The following EFCAB11 variants were observed in gnomAD, a reference collection of about 807,000 sequenced individuals.
The protein encoded by EFCAB11 is EF-hand calcium binding domain 11, also known as EF-hand calcium-binding domain-containing protein 11.
A neutral mutation model predicts 23.0 loss-of-function variants in EFCAB11; 14 were observed. The ratio of observed to expected loss-of-function variants is 0.61; its 90% CI spans 0.40 to 0.95. The LOEUF (loss-of-function observed/expected upper bound fraction) is 0.95, where lower values mean the gene tolerates loss of function less well. Among genes scored for constraint, EFCAB11 ranks in the 40% least tolerant of loss-of-function variants. EFCAB11 has a pLI of 0.00. For synonymous variants in EFCAB11, 65 were observed against 66.6 expected, an observed-to-expected ratio of 0.98 and a Z score of 0.11; for missense variants, 198 against 195.8, an observed-to-expected ratio of 1.01 and a Z score of -0.07.
intron 5 of EFCAB11, among the ~76,000 whole-genome samples, chr14:89,827,936 T>A (rs1287280423): frequency 1.3e-5 from 2 of 152,106 alleles, no homozygotes; most frequent in African/African-American, 4.8e-5. Context: ...CCTGGCCTTT[T>A]ATTCACTCTT....
At chr14:89,950,017 T>C in intron 3 of EFCAB11, 80 bp downstream of exon 3, 1 of 1,389,234 alleles carries the variant, frequency 7.2e-7, no homozygotes, top group Admixed American at 2.4e-5. Context: ...GAATTTGAGA[T>C]GAGACTGATG....
At chr14:89,817,605 A>G (rs990326669) in intron 5 of EFCAB11, among the ~76,000 whole-genome samples, 3 of 152,238 alleles carry the variant, frequency 2.0e-5, no homozygotes, top group African/African-American at 7.2e-5. Context: ...AATTTAACAT[A>G]CAATTTCCCA....
At chr14:89,804,167 C>T (rs1885885072) in intron 5 of EFCAB11, among the ~76,000 whole-genome samples, 1 of 152,214 alleles carries the variant, frequency 6.6e-6, no homozygotes, top group African/African-American at 2.4e-5. Context: ...GGGTGGCACC[C>T]CCTACCCCCC....
intron 5 of EFCAB11, among the ~76,000 whole-genome samples, chr14:89,846,101 G>T (rs779629667): frequency 6.6e-6 from 1 of 152,178 alleles, no homozygotes; most frequent in East Asian, 1.9e-4. Context: ...CCTATCTTGC[G>T]GAGTTATAAG....
intron 5 of EFCAB11, among the ~76,000 whole-genome samples, chr14:89,833,397 A>T (rs1418116324): frequency 4.6e-5 from 7 of 152,262 alleles, no homozygotes; most frequent in Non-Finnish European, 7.3e-5. Flanking sequence ...TTTGGCAGGC[A>T]TCTTTTCATA....
intron 5 of EFCAB11, among the ~76,000 whole-genome samples, chr14:89,876,634 G>A (rs1325417256): frequency 6.6e-6 from 1 of 152,104 alleles, no homozygotes; most frequent in Non-Finnish European, 1.5e-5. Context: ...AGAAAAAAGA[G>A]GGGGGAAAGT....
chr14:89,810,238 T>C (rs1371558149), intron 5 of EFCAB11, among the ~76,000 whole-genome samples: 3 of 152,240 alleles, frequency 2.0e-5, no homozygotes, highest in Admixed American at 2.0e-4. Context: ...GTGGGAGAGT[T>C]TGGAGACGGG....
intron 5 of EFCAB11, among the ~76,000 whole-genome samples, chr14:89,911,917 A>T (rs1374003788): frequency 6.6e-6 from 1 of 152,180 alleles, no homozygotes; most frequent in Non-Finnish European, 1.5e-5. Context: ...TATCCCTGTT[A>T]AGCCTCCTAA....
intron 5 of EFCAB11, among the ~76,000 whole-genome samples, chr14:89,828,270 T>C (rs560832915): frequency 6.6e-6 from 1 of 152,360 alleles, no homozygotes; most frequent in South Asian, 2.1e-4. Context: ...TTTATTTTTA[T>C]GACTGACTTT....
chr14:89,835,585 CGTGTGTGT>C (rs67831579), intron 5 of EFCAB11, among the ~76,000 whole-genome samples: 2,679 of 93,352 alleles, frequency 0.029, 48 homozygotes, highest in African/African-American at 0.069. Context: ...GGATGCTCAA[CGTGTGTGT>C]GTGTGTGTGT....
chr14:89,938,338 C>A (rs921404391), intron 3 of EFCAB11, among the ~76,000 whole-genome samples: 3 of 152,056 alleles, frequency 2.0e-5, no homozygotes, highest in Admixed American at 1.3e-4. Flanking sequence ...AGCAGTCTTT[C>A]AAAAGACATA....
chr14:89,889,307 T>C (rs1343430266), intron 5 of EFCAB11, among the ~76,000 whole-genome samples: 1 of 152,246 alleles, frequency 6.6e-6, no homozygotes, highest in Admixed American at 6.5e-5. Flanking sequence ...GATAAAATCA[T>C]GGATTCGAAG....
At chr14:89,865,185 G>A (rs953075489) in intron 5 of EFCAB11, among the ~76,000 whole-genome samples, 13 of 152,172 alleles carry the variant, frequency 8.5e-5, no homozygotes, top group Non-Finnish European at 1.5e-4. Context: ...AGAGACCTGC[G>A]GCCAGGGGCC....
At chr14:89,912,986 A>C (rs1889728750) in intron 5 of EFCAB11, among the ~76,000 whole-genome samples, 1 of 152,260 alleles carries the variant, frequency 6.6e-6, no homozygotes, top group African/African-American at 2.4e-5. Flanking sequence ...TATGGAAAAG[A>C]AGCACAAAAC....
intron 5 of EFCAB11, among the ~76,000 whole-genome samples, chr14:89,863,767 C>A (rs1359125831): frequency 1.3e-5 from 2 of 152,020 alleles, no homozygotes; most frequent in Non-Finnish European, 2.9e-5. Context: ...AAAAAAAGGA[C>A]CTAGGATGAA....
chr14:89,901,438 A>G (rs1169876428), intron 5 of EFCAB11, among the ~76,000 whole-genome samples: 1 of 152,218 alleles, frequency 6.6e-6, no homozygotes, highest in South Asian at 2.1e-4. Context: ...AGCCTATCAC[A>G]ATTTCATCTG....
At position 89,940,074 on chromosome 14, in the gene EFCAB11, T is replaced by C. The variant is rs146272223; in HGVS notation, c.218-7447A>G. 9.3e-4 allele frequency among the ~76,000 whole-genome samples: 141 copies of C among 152,312 alleles called. 1 individual carries two copies. Among genetic ancestry groups the C allele is most frequent in the African/African-American group, 2.9e-3 (119 of 41,562 alleles). The stretch of plus-strand genomic sequence containing the variant: ...ATATTTTTAAATGTCTTTAGGTCAG[T>C]GTCTGTGTCTCCTAATTCTTCCCCA... On this transcript the variant is annotated intron_variant, in intron 3 of 5. Transcript: ENST00000316738.
At chr14:89,922,895 A>G (rs7157108) in intron 5 of EFCAB11, among the ~76,000 whole-genome samples, 28,663 of 152,138 alleles carry the variant, frequency 0.19, 3,143 homozygotes, top group South Asian at 0.32. Flanking sequence ...AAGGTGGCAG[A>G]GTAGGGCCGG....
chr14:89,825,645 TAG>T (rs1455610736), intron 5 of EFCAB11, among the ~76,000 whole-genome samples: 1 of 152,036 alleles, frequency 6.6e-6, no homozygotes, highest in African/African-American at 2.4e-5. Flanking sequence ...AGTTAGAGCC[TAG>T]AGTCATTAAA....
Sources: allele counts gnomAD v4.1 joint callset (sites outside exome capture counted in the v4.1 genomes callset), GRCh38; gene constraint gnomAD v4.1.1; transcripts MANE v1.5; gene names NCBI Gene and HGNC (gene_info 2026-07-23, HGNC 2026-07-21).